Variants in TICRR observed in about 807,000 individuals in gnomAD.
TICRR encodes the protein TOPBP1 interacting checkpoint and replication regulator.
Under a neutral mutation model 178.1 loss-of-function variants are expected in TICRR, and 132 were observed. That is an observed-to-expected ratio of 0.74 (90% CI 0.64 to 0.86). The LOEUF (loss-of-function observed/expected upper bound fraction) is 0.86. TICRR is among the 40% of genes least tolerant of loss of function. The pLI, the probability that TICRR is intolerant of heterozygous loss-of-function variation, is 0.00. For missense variants in TICRR, 2,587 were observed against 2,334.3 expected (o/e 1.11, Z -2.23); for synonymous variants, 991 against 900.7 (o/e 1.10, Z -1.79).
chr15:89,625,293 A>T lies in TICRR; in HGVS notation c.4983A>T (p.Gln1661His). ...HGPSSTPSPF[Q>H]TDGVPWTPSP... The stretch of plus-strand genomic sequence containing the variant: ...CTTCTAGTACCCCCTCTCCATTTCA[A>T]ACAGATGGGGTTCCTTGGACACCAT... The change falls in exon 20 of 22, where the codon CAA (glutamine) becomes CAT (histidine). Residue 1661 changes from glutamine (Q) to histidine (H), a missense_variant. Physicochemically the swap from Gln to His is conservative, Grantham distance 24. Transcript: ENST00000268138. 1 of 1,613,906 alleles carries T rather than the reference A, an allele frequency of 6.2e-7. No homozygotes were observed. The highest frequency in any genetic ancestry group is 8.5e-7 in the Non-Finnish European group (1 of 1,179,952).
chr15:89,626,906 G>C, intron 21 of TICRR, 50 bp from the exon 22 acceptor site: 1 of 1,593,520 alleles, frequency 6.3e-7, no homozygotes, highest in Non-Finnish European at 8.6e-7. Context: ...ATTTTTTTCA[G>C]TTCGGTCCTC....
intron 7 of TICRR, among the ~76,000 whole-genome samples, chr15:89,597,947 T>A (rs1364706590): frequency 6.6e-6 from 1 of 152,206 alleles, no homozygotes; most frequent in East Asian, 1.9e-4. Flanking sequence ...TTATACAAAT[T>A]TTGTTAGATT....
intron 1 of TICRR, among the ~76,000 whole-genome samples, chr15:89,578,025 A>T (rs1962656621): frequency 6.6e-6 from 1 of 152,146 alleles, no homozygotes; most frequent in Admixed American, 6.6e-5. Context: ...CTGGAAATGA[A>T]CTTAGTTTGT....
Position 89,622,358 on chromosome 15 carries a change from A to G in TICRR, c.3312+808A>G, listed in dbSNP as rs147355262. Among the ~76,000 whole-genome samples the G allele has an allele frequency of 8.0e-3, 1,221 of 152,220 alleles. 5 individuals carry two copies. Among genetic ancestry groups the G allele is most frequent in the Middle Eastern group, 0.014 (4 of 294 alleles). On this transcript the variant is annotated intron_variant, in intron 19 of 21. Coordinates refer to ENST00000268138, the MANE Select transcript of TICRR (RefSeq NM_152259.4). ...CCTACCCTAGTTCAGGTCTACCTGGAACACTTCAACAGGCTTTTCCCTCTC... is the reference window on the plus strand; with the variant it reads ...CCTACCCTAGTTCAGGTCTACCTGGGACACTTCAACAGGCTTTTCCCTCTC...
chr15:89,596,031 C>T (rs4556765), intron 7 of TICRR, among the ~76,000 whole-genome samples: 67,828 of 151,708 alleles, frequency 0.45, 15,697 homozygotes, highest in Non-Finnish European at 0.52. Flanking sequence ...TTGATACATG[C>T]AAGGGAAGGC....
chr15:89,623,485 C>T, intron 19 of TICRR, 138 bp from the exon 20 acceptor site: 1 of 898,360 alleles, frequency 1.1e-6, no homozygotes, highest in Non-Finnish European at 1.7e-6. Flanking sequence ...GGAAACGGGT[C>T]ACTATTTGAG....
Position 89,584,440 on chromosome 15 carries a change from G to A in TICRR, c.1089G>A (p.Met363Ile). ...TSSTLGTDSW[M>I]LGSPEESTAT... ...GCACTTTGGGCACTGACAGCTGGAT[G>A]CTAGGAAGTCCAGAGGAGAGCACAG... The change falls in exon 3 of 22, where the codon ATG becomes ATA. Residue 363 changes from methionine to isoleucine, a missense_variant. By Grantham distance (10) the Met-to-Ile change is conservative. Coordinates refer to ENST00000268138, the MANE Select transcript of TICRR (RefSeq NM_152259.4). The A allele has an allele frequency of 6.2e-7, 1 of 1,613,902 alleles. No homozygotes were observed. Among genetic ancestry groups the A allele is most frequent in the South Asian group, 1.1e-5 (1 of 91,044 alleles).
chr15:89,603,081 G>C (rs1049959190), intron 13 of TICRR, among the ~76,000 whole-genome samples, 189 bp downstream of exon 13: 2 of 152,068 alleles, frequency 1.3e-5, no homozygotes, highest in African/African-American at 4.8e-5. Context: ...TTACTCAAGA[G>C]TGTGATAGTT....
At position 89,575,954 on chromosome 15, in the gene TICRR, A is replaced by G. The variant is rs1033961947; in HGVS notation, c.368A>G (p.Lys123Arg). 6.2e-7 allele frequency: 1 copy of G among 1,602,026 alleles called. No homozygotes were observed. Among genetic ancestry groups the G allele is most frequent in the East Asian group, 2.3e-5 (1 of 44,376 alleles). ...WDRPEITSPT[K>R]PILRSSGRRL... The stretch of plus-strand genomic sequence containing the variant: ...CGGCCCGAGATCACGTCGCCCACGA[A>G]GCCGATCCTGCGGAGCAGCGGGAGG... The change falls in exon 1 of 22, where the codon AAG becomes AGG. Residue 123 changes from lysine (K) to arginine (R), a missense_variant. Lys to Arg is a conservative substitution (Grantham distance 26, BLOSUM62 2). Coordinates refer to ENST00000268138, the MANE Select transcript of TICRR (RefSeq NM_152259.4).
intron 19 of TICRR, among the ~76,000 whole-genome samples, chr15:89,622,785 T>C (rs1963448167): frequency 6.6e-6 from 1 of 152,176 alleles, no homozygotes; most frequent in Non-Finnish European, 1.5e-5. Flanking sequence ...CTAGTATTGT[T>C]TTCTATGCCT....
chr15:89,602,991 T>C (rs1347024370), intron 13 of TICRR, 99 bp downstream of exon 13: 1 of 484,946 alleles, frequency 2.1e-6, no homozygotes, highest in Non-Finnish European at 3.5e-6. Flanking sequence ...ACAGAAATAA[T>C]ATTAAATATT....
intron 3 of TICRR, 58 bp from the exon 4 acceptor site, chr15:89,585,650 A>G: frequency 8.4e-7 from 1 of 1,187,494 alleles, no homozygotes; most frequent in Non-Finnish European, 1.2e-6. Context: ...AGTACACTAC[A>G]TTCTTCTTTA....
chr15:89,588,787 C>A (rs574796754), intron 4 of TICRR, among the ~76,000 whole-genome samples: 2 of 152,074 alleles, frequency 1.3e-5, no homozygotes, highest in Non-Finnish European at 2.9e-5. Flanking sequence ...GAGAGACTGA[C>A]GGTGGTGAGT....
intron 4 of TICRR, among the ~76,000 whole-genome samples, chr15:89,587,685 G>A (rs998892074): frequency 2.0e-5 from 3 of 152,152 alleles, no homozygotes; most frequent in African/African-American, 7.2e-5. Flanking sequence ...CAATGTGGAT[G>A]CTCGGGATAC....
At chr15:89,578,627 C>T (rs78185445) in intron 1 of TICRR, among the ~76,000 whole-genome samples, 3,066 of 151,476 alleles carry the variant, frequency 0.02, 95 homozygotes, top group African/African-American at 0.066. Flanking sequence ...GATTCTTTGT[C>T]TCTCTTTTTT....
At chr15:89,594,394 C>G (rs1415555861) in intron 5 of TICRR, 21 bp from the exon 6 acceptor site, 2 of 1,586,558 alleles carry the variant, frequency 1.3e-6, no homozygotes, top group East Asian at 2.3e-5. Context: ...TGGTTTTATT[C>G]TAGACATCTT....
chr15:89,625,670 C>T lies in TICRR; in HGVS notation c.5360C>T (p.Ala1787Val), dbSNP rs767658912. The T allele has an allele frequency of 6.2e-7, 1 of 1,613,608 alleles. No individual in the cohort carries two copies. The highest frequency in any genetic ancestry group is 2.2e-5 in the East Asian group (1 of 44,864). ...LLAKEEADRG[A>V]KRICDLREDS... ...GCCAAGGAAGAAGCTGACCGTGGAG[C>T]CAAAAGGATCTGTGACCTGAGAGAA... The change falls in exon 20 of 22, where the codon GCC (alanine) becomes GTC (valine). Residue 1787 changes from alanine to valine, a missense_variant. Coordinates refer to ENST00000268138, the MANE Select transcript of TICRR (RefSeq NM_152259.4).
intron 13 of TICRR, 46 bp from the exon 14 acceptor site, chr15:89,606,722 A>G (rs770309529): frequency 1.1e-5 from 17 of 1,478,974 alleles, no homozygotes; most frequent in Middle Eastern, 3.4e-4. Context: ...TTTTATTTCA[A>G]TGAATGCCTA....
At position 89,592,179 on chromosome 15, in the gene TICRR, A is replaced by C; in HGVS notation, c.1541+3A>C. ...TCCGATTTGATGGAGTCATTTGGGT[A>C]AAACGTTTTTATATCTCTTGAATAT... On this transcript the variant is annotated splice_donor_region_variant and intron_variant, in intron 5 of 21. Transcript: ENST00000268138. 6.2e-7 allele frequency: 1 copy of C among 1,610,256 alleles called. No homozygotes were observed. The highest frequency in any genetic ancestry group is 8.5e-7 in the Non-Finnish European group (1 of 1,177,094).
Sources: allele counts gnomAD v4.1 joint callset (sites outside exome capture counted in the v4.1 genomes callset), GRCh38; gene constraint gnomAD v4.1.1; transcripts MANE v1.5; gene names NCBI Gene and HGNC (gene_info 2026-07-23, HGNC 2026-07-21).